The following IQGAP1 variants were observed in gnomAD, a reference collection of about 807,000 sequenced individuals.
The protein encoded by IQGAP1 is IQ motif containing GTPase activating protein 1.
In IQGAP1, 66 loss-of-function variants were observed where a neutral mutation model predicts 215.6. The ratio of observed to expected loss-of-function variants is 0.31; its 90% CI spans 0.25 to 0.38. The LOEUF is 0.38. Ranked by LOEUF, IQGAP1 falls within the 10% of genes least tolerant of loss-of-function variation. The probability of loss-of-function intolerance (pLI) is 1.00; values close to 1 mark genes in which losing one functional copy is unlikely to be tolerated. For missense variants in IQGAP1, 1,712 were observed against 1,997.1 expected (o/e 0.86, Z 2.72); for synonymous variants, 772 against 728.7 (o/e 1.06, Z -0.96).
intron 2 of IQGAP1, among the ~76,000 whole-genome samples, chr15:90,420,793 G>C (rs1965122323): frequency 6.6e-6 from 1 of 152,170 alleles, no homozygotes; most frequent in South Asian, 2.1e-4. Flanking sequence ...TATGATCACT[G>C]CTCACTGCAT....
At chr15:90,427,846 T>C (rs1965247135) in intron 3 of IQGAP1, among the ~76,000 whole-genome samples, 1 of 152,136 alleles carries the variant, frequency 6.6e-6, no homozygotes, top group Non-Finnish European at 1.5e-5. Flanking sequence ...AGTGGAGAAT[T>C]GCATTACCAA....
intron 26 of IQGAP1, among the ~76,000 whole-genome samples, chr15:90,479,746 C>T (rs139734224): frequency 1.3e-5 from 2 of 151,978 alleles, no homozygotes; most frequent in African/African-American, 2.4e-5. Context: ...AAAGAAGGGG[C>T]GTTTCCTTAT....
Position 90,494,799 on chromosome 15 carries a change from G to T in IQGAP1, c.4715G>T (p.Gly1572Val). Residue 1572 changes from glycine to valine, a missense_variant, in exon 36 of 38, where the codon GGA (glycine) becomes GTA (valine). Around this residue, in one of 2 missense-constraint regions of IQGAP1, gnomAD observed 691 missense variants for 923.0 expected, o/e 0.75. Transcript: ENST00000268182. The stretch of plus-strand genomic sequence containing the variant: ...ACAGCAGCAAGACTACATGAAAAAG[G>T]AGTTCTTCTGGAAATTGAGGACCTG... ...KYTAARLHEK[G>V]VLLEIEDLQV... 1 of 1,607,728 alleles carries T rather than the reference G, an allele frequency of 6.2e-7. No homozygotes were observed. Among genetic ancestry groups the T allele is most frequent in the South Asian group, 1.1e-5 (1 of 90,220 alleles).
In IQGAP1 at chr15:90,456,152, G is replaced by A. The variant is rs769488383; in HGVS notation, c.1613G>A (p.Arg538Lys). 13 of 1,611,698 alleles carry A rather than the reference G, an allele frequency of 8.1e-6. No homozygotes were observed. The highest frequency in any genetic ancestry group is 1.0e-5 in the Non-Finnish European group (12 of 1,179,230). The change falls in exon 15 of 38, where the codon AGG becomes AAG. Residue 538 changes from arginine (R) to lysine (K), a missense_variant and splice_region_variant. This residue lies in a region of IQGAP1 where 1,021 missense variants were observed against 1,074.2 expected (regional missense o/e 0.95). Transcript: ENST00000268182. ...VNLVVQEEHE[R>K]ILAIGLINEA... ...AAACTTTCTGTCTCTTTATATTTAG[G>A]GATTTTAGCCATTGGTTTAATTAAT...
intron 2 of IQGAP1, among the ~76,000 whole-genome samples, chr15:90,400,527 A>G (rs758513055): frequency 4.6e-5 from 7 of 152,224 alleles, no homozygotes; most frequent in Non-Finnish European, 8.8e-5. Context: ...TGGGTTACAT[A>G]GTTTACCACT....
At chr15:90,476,520 G>A in intron 23 of IQGAP1, 143 bp from the exon 24 acceptor site, 2 of 520,012 alleles carry the variant, frequency 3.8e-6, no homozygotes, top group South Asian at 4.4e-5. Flanking sequence ...AGGATAAAGT[G>A]TAGTGGTTTT....
chr15:90,392,267 C>T (rs1018531906), intron 2 of IQGAP1, among the ~76,000 whole-genome samples: 10 of 152,292 alleles, frequency 6.6e-5, no homozygotes, highest in African/African-American at 2.4e-4. Flanking sequence ...AGGAGGATAA[C>T]ACTTGTCTTT....
At chr15:90,415,038 G>A (rs1480796105) in intron 2 of IQGAP1, among the ~76,000 whole-genome samples, 2 of 152,160 alleles carry the variant, frequency 1.3e-5, no homozygotes, top group African/African-American at 4.8e-5. Context: ...TATGGTGCCG[G>A]ATTTTCTCCT....
intron 9 of IQGAP1, among the ~76,000 whole-genome samples, chr15:90,446,071 A>G (rs1428904216): frequency 6.6e-6 from 1 of 152,212 alleles, no homozygotes; most frequent in Admixed American, 6.5e-5. Flanking sequence ...CTGAATCTGT[A>G]TTAATCCTTA....
intron 3 of IQGAP1, among the ~76,000 whole-genome samples, chr15:90,428,591 G>A (rs1383079666): frequency 6.6e-6 from 1 of 151,946 alleles, no homozygotes; most frequent in Non-Finnish European, 1.5e-5. Context: ...ATCAGCCTGG[G>A]CAACAAGGTG....
intron 13 of IQGAP1, among the ~76,000 whole-genome samples, chr15:90,454,171 T>C (rs1965646898): frequency 1.3e-5 from 2 of 152,248 alleles, no homozygotes; most frequent in African/African-American, 4.8e-5. Context: ...AGCCTTTTTT[T>C]CTTGTCTATG....
In IQGAP1 at chr15:90,477,222, G is replaced by C. The variant is rs1411316569; in HGVS notation, c.3096G>C (p.Glu1032Asp). The part of the protein sequence containing the change: ...LLRLFKTALQ[E>D]EIKSKVDQIQ... ...GGCTCTTTAAGACAGCACTCCAAGA[G>C]GAAATCAAGTATGAACAGATTTCCT... The change falls in exon 25 of 38, where the codon GAG (glutamate) becomes GAC (aspartate). Residue 1032 changes from glutamate (E) to aspartate (D), a missense_variant. Coordinates refer to ENST00000268182, the MANE Select transcript of IQGAP1 (RefSeq NM_003870.4). 3.1e-6 allele frequency: 5 copies of C among 1,613,892 alleles called. No homozygotes were observed. The highest frequency in any genetic ancestry group is 4.2e-6 in the Non-Finnish European group (5 of 1,179,954).
At chr15:90,416,766 A>T (rs1965056809) in intron 2 of IQGAP1, among the ~76,000 whole-genome samples, 1 of 152,010 alleles carries the variant, frequency 6.6e-6, no homozygotes, top group African/African-American at 2.4e-5. Flanking sequence ...TTTAGTAGAG[A>T]TGGGAGTTCT....
chr15:90,466,612 C>T (rs1439198022), intron 17 of IQGAP1, among the ~76,000 whole-genome samples, 176 bp downstream of exon 17: 1 of 150,630 alleles, frequency 6.6e-6, no homozygotes, highest in Non-Finnish European at 1.5e-5. Flanking sequence ...TTCCCCCCCC[C>T]CTTGTGGACA....
intron 7 of IQGAP1, 136 bp downstream of exon 7, chr15:90,440,751 A>G: frequency 1.6e-6 from 1 of 607,944 alleles, no homozygotes; most frequent in Non-Finnish European, 3.0e-6. Flanking sequence ...GTAAACACAT[A>G]GTCTTCCATG....
chr15:90,454,196 A>G (rs931457820), intron 13 of IQGAP1, among the ~76,000 whole-genome samples: 1 of 152,136 alleles, frequency 6.6e-6, no homozygotes, highest in Non-Finnish European at 1.5e-5. Context: ...AATTGCTTGA[A>G]CTGCTGCCTT....
chr15:90,502,165 T>G lies in IQGAP1; in HGVS notation c.*2057T>G, dbSNP rs542687335. The G allele has an allele frequency of 1.5e-3, 227 of 152,786 alleles. 2 individuals are homozygous for G. Among genetic ancestry groups the G allele is most frequent in the Non-Finnish European group, 1.0e-3 (70 of 68,040 alleles). 9.5% of individuals were successfully genotyped at this position (152,786 alleles called of 1,614,324 possible). A position where few individuals can be genotyped will look rare whatever the true frequency, so the allele number is the denominator to read the frequency against. On this transcript the variant is annotated 3_prime_UTR_variant, in exon 38 of 38. Transcript: ENST00000268182. ...CATGAATTTACTTCCTCCCAAGAGTTTGGACTGCCCGTCAGATTGTTGCTG... is the reference window on the plus strand; with the variant it reads ...CATGAATTTACTTCCTCCCAAGAGTGTGGACTGCCCGTCAGATTGTTGCTG...
At chr15:90,475,155 C>T (rs1369152001) in intron 23 of IQGAP1, among the ~76,000 whole-genome samples, 2 of 152,140 alleles carry the variant, frequency 1.3e-5, no homozygotes, top group East Asian at 3.9e-4. Context: ...CATGCCACTA[C>T]ACCCTGGTAA....
In IQGAP1 at chr15:90,395,566, C is replaced by T. The variant is rs559467486; in HGVS notation, c.155+4693C>T. 7.2e-5 allele frequency among the ~76,000 whole-genome samples: 11 copies of T among 152,292 alleles called. No homozygotes were observed. The East Asian group carries it at 1.4e-3, about 19-fold the overall frequency. ...TGATCTCCTGACCTCGTGATCCGCC[C>T]GCCTTGGCCTCCCACAGTGCTGGGA... On this transcript the variant is annotated intron_variant, in intron 2 of 37. Transcript: ENST00000268182.
Sources: gnomAD v4.1 joint callset for allele counts (sites outside exome capture counted in the v4.1 genomes callset) on GRCh38, gnomAD v4.1.1 for gene constraint, gnomAD v4.1.1 regional missense constraint, MANE v1.5 for transcripts, NCBI Gene and HGNC (gene_info 2026-07-23, HGNC 2026-07-21) for gene names.